The following NDE1 variants were observed in gnomAD, a reference collection of about 807,000 sequenced individuals.
NDE1 encodes the protein nudE neurodevelopment protein 1.
NDE1 carries 28 observed loss-of-function variants against 43.4 expected under a neutral mutation model. That is an observed-to-expected ratio of 0.65 (90% CI 0.48 to 0.89). NDE1 has a LOEUF of 0.89. Ranked by LOEUF, NDE1 falls within the 40% of genes least tolerant of loss-of-function variation. NDE1 has a pLI of 0.00. For missense variants in NDE1, 441 were observed against 434.1 expected, an observed-to-expected ratio of 1.02 and a Z score of -0.14; for synonymous variants, 184 against 172.0, an observed-to-expected ratio of 1.07 and a Z score of -0.55.
At chr16:15,712,248 T>C (rs1170895159) in intron 8 of NDE1, among the ~76,000 whole-genome samples, 2 of 152,152 alleles carry the variant, frequency 1.3e-5, no homozygotes, top group Non-Finnish European at 2.9e-5. Flanking sequence ...TCTGAGGTTC[T>C]AGGAAGAAGC....
At position 15,724,548 on chromosome 16, in the gene NDE1, AC is replaced by A; in HGVS notation, c.*299del. The A allele has an allele frequency of 6.2e-7, 1 of 1,606,990 alleles. No homozygotes were observed. The highest frequency in any genetic ancestry group is 8.5e-7 in the Non-Finnish European group (1 of 1,175,974). ...AGCAGGGGAAGCTGGGGGGTCAAGC[AC>A]CATCGCACCAACACTCCACCGCGAT... On this transcript the variant is annotated 3_prime_UTR_variant, in exon 9 of 9. Coordinates refer to ENST00000396354, the MANE Select transcript of NDE1 (RefSeq NM_017668.3).
chr16:15,725,601 G>T lies in NDE1; in HGVS notation c.*1350G>T. On this transcript the variant is annotated 3_prime_UTR_variant, in exon 9 of 9. Coordinates refer to ENST00000396354, the MANE Select transcript of NDE1 (RefSeq NM_017668.3). The stretch of plus-strand genomic sequence containing the variant: ...ACCCCTCCATCTCTTCCATTGACAA[G>T]GAGGATATGAATGATCTTGACACTG... 2.5e-6 allele frequency: 1 copy of T among 406,222 alleles called. No homozygotes were observed. Among genetic ancestry groups the T allele is most frequent in the Non-Finnish European group, 4.3e-6 (1 of 230,012 alleles). 25.2% of individuals were successfully genotyped at this position (406,222 alleles called of 1,614,324 possible).
rs1364355866 is a variant in NDE1 at position 15,717,270 on chromosome 16, G to T, written c.948-6921G>T. On this transcript the variant is annotated intron_variant, in intron 8 of 8. Transcript: ENST00000396354. Reference sequence around the variant, plus strand: ...TTGCTCCGGAGCTCCTTGTTCTGCCGCTCGAGCTGCTGCCGGGCACTCTCA... The same window carrying T: ...TTGCTCCGGAGCTCCTTGTTCTGCCTCTCGAGCTGCTGCCGGGCACTCTCA... The T allele has an allele frequency of 1.2e-6, 2 of 1,613,738 alleles. No homozygotes were observed. Among genetic ancestry groups the T allele is most frequent in the African/African-American group, 1.3e-5 (1 of 74,916 alleles).
At position 15,667,378 on chromosome 16, in the gene NDE1, C is replaced by A. The variant is rs2037358620; in HGVS notation, c.176C>A (p.Thr59Asn). The A allele has an allele frequency of 6.2e-7, 1 of 1,613,868 alleles. No homozygotes were observed. Among genetic ancestry groups the A allele is most frequent in the Admixed American group, 1.7e-5 (1 of 59,956 alleles). Residue 59 changes from threonine to asparagine, a missense_variant, in exon 3 of 9, where the codon ACC becomes AAC. Physicochemically the swap from Thr to Asn is moderately conservative, Grantham distance 65. Transcript: ENST00000396354. Reference sequence around the variant, plus strand: ...GAGACGCAGCTGCAACAAATTGAAACCAGGAACAGAGACCTCCTGTCCGAA... The same window carrying A: ...GAGACGCAGCTGCAACAAATTGAAAACAGGAACAGAGACCTCCTGTCCGAA... ...ELETQLQQIE[T>N]RNRDLLSENN...
chr16:15,681,498 C>T (rs562380308), intron 4 of NDE1, among the ~76,000 whole-genome samples: 8 of 151,600 alleles, frequency 5.3e-5, no homozygotes, highest in African/African-American at 1.2e-4. Flanking sequence ...GTCCTGGACT[C>T]GGTCTGTCCA....
chr16:15,677,864 G>T lies in NDE1; in HGVS notation c.301G>T (p.Ala101Ser), dbSNP rs764297672. The T allele has an allele frequency of 6.2e-7, 1 of 1,614,072 alleles. No individual in the cohort carries two copies. Among genetic ancestry groups the T allele is most frequent in the Non-Finnish European group, 8.5e-7 (1 of 1,180,010 alleles). Reference sequence around the variant, plus strand: ...GATCTCAGCCTTGGAGGATGACCTCGCGCAGACCAAAGCCATTAAAGACCA... The same window carrying T: ...GATCTCAGCCTTGGAGGATGACCTCTCGCAGACCAAAGCCATTAAAGACCA... ...RQISALEDDL[A>S]QTKAIKDQLQ... The change falls in exon 4 of 9, where the codon GCG (alanine) becomes TCG (serine). Residue 101 changes from alanine to serine, a missense_variant. Physicochemically the swap from Ala to Ser is moderately conservative, Grantham distance 99. Coordinates refer to ENST00000396354, the MANE Select transcript of NDE1 (RefSeq NM_017668.3).
At chr16:15,698,110 T>C (rs1039715439) in intron 8 of NDE1, among the ~76,000 whole-genome samples, 1 of 152,160 alleles carries the variant, frequency 6.6e-6, no homozygotes, top group African/African-American at 2.4e-5. Context: ...CCCTTTTTTT[T>C]CTTTTTAAAT....
chr16:15,718,770 A>T, intron 8 of NDE1: 1 of 452,588 alleles, frequency 2.2e-6, no homozygotes, highest in South Asian at 2.3e-5. Flanking sequence ...GCGCTGACGG[A>T]AAACCTAACC....
chr16:15,704,193 C>G, intron 8 of NDE1: 4 of 1,584,360 alleles, frequency 2.5e-6, no homozygotes, highest in Non-Finnish European at 3.5e-6. Context: ...TTTTATAAAT[C>G]TATTTTAAAC....
chr16:15,667,495 G>C, intron 3 of NDE1, 56 bp downstream of exon 3: 1 of 1,600,966 alleles, frequency 6.2e-7, no homozygotes, highest in Non-Finnish European at 8.5e-7. Context: ...ACACAGGCAT[G>C]GCATGCTTGG....
Position 15,716,410 on chromosome 16 carries a change from A to G in NDE1, c.948-7781A>G, listed in dbSNP as rs145760336. Among the ~76,000 whole-genome samples, 659 of 152,334 alleles carry G rather than the reference A, an allele frequency of 4.3e-3. 1 individual carries two copies. The highest frequency in any genetic ancestry group is 0.013 in the African/African-American group (558 of 41,578). ...AATGGGTGAGAATCCTTAGAATCCAATGGTAAGAAATGTGCTGTGATCATA... is the reference window on the plus strand; with the variant it reads ...AATGGGTGAGAATCCTTAGAATCCAGTGGTAAGAAATGTGCTGTGATCATA... On this transcript the variant is annotated intron_variant, in intron 8 of 8. Coordinates refer to ENST00000396354, the MANE Select transcript of NDE1 (RefSeq NM_017668.3).
At chr16:15,663,303 G>A (rs1402485371) in intron 1 of NDE1, among the ~76,000 whole-genome samples, 8 of 149,988 alleles carry the variant, frequency 5.3e-5, no homozygotes, top group East Asian at 2.0e-4. Flanking sequence ...GCAGCGGCAC[G>A]ATCTCAGCTC....
At chr16:15,722,382 A>G (rs149699599) in intron 8 of NDE1, among the ~76,000 whole-genome samples, 6 of 152,326 alleles carry the variant, frequency 3.9e-5, no homozygotes, top group Non-Finnish European at 8.8e-5. Flanking sequence ...CTCAGAGAAC[A>G]TTCCATGCTC....
intron 8 of NDE1, 146 bp from the exon 9 acceptor site, chr16:15,724,045 C>T: frequency 5.9e-6 from 9 of 1,531,600 alleles, no homozygotes; most frequent in Non-Finnish European, 8.0e-6. Context: ...CCCATGGCTC[C>T]CCACAGAGTG....
chr16:15,710,338 TG>T (rs2151178242), intron 8 of NDE1, among the ~76,000 whole-genome samples: 1 of 152,174 alleles, frequency 6.6e-6, no homozygotes, highest in Non-Finnish European at 1.5e-5. Context: ...CCAGCCAGTA[TG>T]GTGAAACCTT....
intron 7 of NDE1, chr16:15,695,869 C>A: frequency 4.4e-6 from 1 of 225,390 alleles, no homozygotes; most frequent in Non-Finnish European, 7.4e-6. Context: ...TCTGTTGTAG[C>A]CAGACCAAGT....
rs898049819 is a variant in NDE1, at chr16:15,699,969, C to T, written c.947+3109C>T. ...TAGCTTTGCGGCCCAAGCCAATGAC[C>T]GAGGCCATCACCTGTGCTCTGGGGT... On this transcript the variant is annotated intron_variant, in intron 8 of 8. Transcript: ENST00000396354. The T allele has an allele frequency of 2.5e-6, 3 of 1,205,398 alleles. No individual in the cohort carries two copies. In the East Asian group the frequency reaches 1.7e-4, roughly 70 times the overall value. The allele number at this position is 1,205,398 out of a possible 1,614,324, so 74.7% of individuals were successfully genotyped here.
chr16:15,705,984 C>CAAAAAAAAAAAAAAAAAAAAAAA (rs57451847), intron 8 of NDE1, among the ~76,000 whole-genome samples: 3 of 56,768 alleles, frequency 5.3e-5, no homozygotes, highest in Admixed American at 2.3e-4. Context: ...GACTCCGTCT[C>CAAAAAAAAAAAAAAAAAAAAAAA]AAAAAAAAAA....
intron 1 of NDE1, among the ~76,000 whole-genome samples, chr16:15,658,312 C>T (rs1027671426): frequency 3.9e-5 from 6 of 152,354 alleles, no homozygotes; most frequent in Admixed American, 3.9e-4. Flanking sequence ...TTAGGCCCAT[C>T]CTTAAGCCAA....
Sources: gnomAD v4.1 joint callset for allele counts (sites outside exome capture counted in the v4.1 genomes callset) on GRCh38, gnomAD v4.1.1 for gene constraint, MANE v1.5 for transcripts, NCBI Gene and HGNC (gene_info 2026-07-23, HGNC 2026-07-21) for gene names.